TMEM132B: variants seen among roughly 807,000 people sequenced by gnomAD.
The protein encoded by TMEM132B is transmembrane protein 132B.
A neutral mutation model predicts 90.8 loss-of-function variants in TMEM132B; 18 were observed. That is an observed-to-expected ratio of 0.20 (90% confidence interval 0.14 to 0.29). TMEM132B has a LOEUF of 0.29. Ranked by LOEUF, TMEM132B falls within the 10% of genes least tolerant of loss-of-function variation. The pLI is 1.00. For missense variants in TMEM132B, 1,096 were observed against 1,326.8 expected, an observed-to-expected ratio of 0.83 and a Z score of 2.70; for synonymous variants, 504 against 523.3, an observed-to-expected ratio of 0.96 and a Z score of 0.50.
At chr12:125,338,564 C>CT (rs1197365071) in intron 1 of TMEM132B, among the ~76,000 whole-genome samples, 1 of 152,164 alleles carries the variant, frequency 6.6e-6, no homozygotes, top group Non-Finnish European at 1.5e-5. Flanking sequence ...TGTTACTCTC[C>CT]TTTTTTGCGG....
At chr12:125,487,991 T>C (rs998160208) in intron 3 of TMEM132B, among the ~76,000 whole-genome samples, 5 of 152,202 alleles carry the variant, frequency 3.3e-5, no homozygotes, top group African/African-American at 1.2e-4. Flanking sequence ...AGTCCTGATA[T>C]TCCCAAGGTG....
chr12:125,240,478 G>A (rs1874039595), intron 1 of TMEM132B, among the ~76,000 whole-genome samples: 1 of 152,110 alleles, frequency 6.6e-6, no homozygotes, highest in South Asian at 2.1e-4. Context: ...TCATCTATGG[G>A]CAGTTTGAAA....
chr12:125,309,291 C>T (rs1279418231), intron 1 of TMEM132B, among the ~76,000 whole-genome samples: 2 of 152,192 alleles, frequency 1.3e-5, no homozygotes, highest in Non-Finnish European at 2.9e-5. Flanking sequence ...ATCACTTTAT[C>T]TGCCTTCCTC....
At chr12:125,625,405 T>G (rs1045690649) in intron 5 of TMEM132B, among the ~76,000 whole-genome samples, 2 of 152,220 alleles carry the variant, frequency 1.3e-5, no homozygotes, top group Admixed American at 6.5e-5. Context: ...AGTGCTGGGA[T>G]TACAGGCGTG....
chr12:125,368,436 T>C (rs1878196034), intron 2 of TMEM132B, among the ~76,000 whole-genome samples: 2 of 152,256 alleles, frequency 1.3e-5, no homozygotes, highest in Admixed American at 6.5e-5. Flanking sequence ...CTCTTTGCCG[T>C]TAATAAGAAT....
rs1993799 is a variant in TMEM132B, at chr12:125,493,095, T to G, written c.1107-26344T>G. On this transcript the variant is annotated intron_variant, in intron 3 of 8. Coordinates refer to ENST00000682704, the MANE Select transcript of TMEM132B (RefSeq NM_001366854.1). ...TAAATAACGAGCACCTGCAGGGCAG[T>G]GGCCTGGCGCTCCACACCTTAGCTC... 8.9e-3 allele frequency among the ~76,000 whole-genome samples: 1,357 copies of G among 151,882 alleles called. 26 individuals carry two copies. The highest frequency in any genetic ancestry group is 0.011 in the Non-Finnish European group (736 of 67,944).
chr12:125,456,160 T>C (rs1208904647), intron 3 of TMEM132B, among the ~76,000 whole-genome samples: 1 of 152,174 alleles, frequency 6.6e-6, no homozygotes, highest in African/African-American at 2.4e-5. Flanking sequence ...TATCAGCATA[T>C]CCATGAGAAA....
intron 5 of TMEM132B, among the ~76,000 whole-genome samples, chr12:125,613,909 G>A (rs920728051): frequency 6.6e-6 from 1 of 151,952 alleles, no homozygotes; most frequent in Non-Finnish European, 1.5e-5. Flanking sequence ...TCCATTTGAT[G>A]TCATTTTCTT....
chr12:125,591,331 T>C (rs1436070820), intron 5 of TMEM132B, among the ~76,000 whole-genome samples: 1 of 152,116 alleles, frequency 6.6e-6, no homozygotes. Flanking sequence ...GTGTGTTTCT[T>C]GGCTGTGAAG....
intron 5 of TMEM132B, among the ~76,000 whole-genome samples, chr12:125,629,276 C>T (rs1402007147): frequency 1.3e-5 from 2 of 151,916 alleles, no homozygotes; most frequent in Admixed American, 6.6e-5. Context: ...AGCACATGAA[C>T]GTAGAATATC....
At chr12:125,456,224 C>A (rs1250959691) in intron 3 of TMEM132B, among the ~76,000 whole-genome samples, 2 of 152,158 alleles carry the variant, frequency 1.3e-5, no homozygotes. Flanking sequence ...CACAGCACCC[C>A]CGAGCCTATT....
chr12:125,321,380 C>G (rs1207713192), intron 1 of TMEM132B, among the ~76,000 whole-genome samples: 1 of 152,096 alleles, frequency 6.6e-6, no homozygotes, highest in Non-Finnish European at 1.5e-5. Flanking sequence ...AATAAAAAAC[C>G]TGGCGATATC....
intron 4 of TMEM132B, among the ~76,000 whole-genome samples, chr12:125,573,900 T>A (rs1334947755): frequency 2.6e-5 from 4 of 152,124 alleles, no homozygotes; most frequent in African/African-American, 7.2e-5. Flanking sequence ...GGAAAAAAAA[T>A]TTTTTATAGC....
chr12:125,205,510 G>A (rs1202981817), intron 1 of TMEM132B, among the ~76,000 whole-genome samples: 2 of 152,250 alleles, frequency 1.3e-5, no homozygotes, highest in Non-Finnish European at 2.9e-5. Context: ...CCACGTGCCA[G>A]GCAGGGTGTT....
At chr12:125,556,884 A>G (rs1884402974) in intron 4 of TMEM132B, among the ~76,000 whole-genome samples, 1 of 152,076 alleles carries the variant, frequency 6.6e-6, no homozygotes, top group South Asian at 2.1e-4. Flanking sequence ...CCTCCCAAGT[A>G]GCTGGGACTA....
chr12:125,645,481 C>A (rs1886741983), intron 6 of TMEM132B, among the ~76,000 whole-genome samples: 2 of 152,200 alleles, frequency 1.3e-5, no homozygotes, highest in Admixed American at 1.3e-4. Flanking sequence ...GTACTGCTGG[C>A]TTTGAAGGTG....
At chr12:125,470,410 CT>C (rs1313203683) in intron 3 of TMEM132B, among the ~76,000 whole-genome samples, 1 of 152,110 alleles carries the variant, frequency 6.6e-6, no homozygotes, top group Non-Finnish European at 1.5e-5. Flanking sequence ...GTTGGAGTCT[CT>C]CCCTGCCCTC....
rs147224202 is a variant in TMEM132B, at chr12:125,433,825, C to T, written c.1106+18148C>T. ...TTGTATTTTCTATCTTCTGCCTACG[C>T]CGAAGCCTTTTTCTTAAAGTTCGCA... On this transcript the variant is annotated intron_variant, in intron 3 of 8. Coordinates refer to ENST00000682704, the MANE Select transcript of TMEM132B (RefSeq NM_001366854.1). 7.7e-3 allele frequency among the ~76,000 whole-genome samples: 1,175 copies of T among 152,162 alleles called. 10 individuals carry two copies. The highest frequency in any genetic ancestry group is 0.012 in the Non-Finnish European group (812 of 68,002).
chr12:125,280,265 G>T (rs1875120414), intron 1 of TMEM132B, among the ~76,000 whole-genome samples: 1 of 152,170 alleles, frequency 6.6e-6, no homozygotes, highest in African/African-American at 2.4e-5. Flanking sequence ...TGTTTGAGAT[G>T]ATGGATATGC....
Sources: allele counts gnomAD v4.1 joint callset (sites outside exome capture counted in the v4.1 genomes callset), GRCh38; gene constraint gnomAD v4.1.1; transcripts MANE v1.5; gene names NCBI Gene and HGNC (gene_info 2026-07-23, HGNC 2026-07-21).